APPBP2: variants seen among roughly 807,000 people sequenced by gnomAD.
The protein encoded by APPBP2 is amyloid protein-binding protein 2.
In APPBP2, 15 loss-of-function variants were observed where a neutral mutation model predicts 76.0. That is an observed-to-expected ratio of 0.20 (90% CI 0.13 to 0.30). APPBP2 has a LOEUF of 0.30. Among genes scored for constraint, APPBP2 ranks in the 10% least tolerant of loss-of-function variants. APPBP2 has a pLI of 1.00. For synonymous variants in APPBP2, 222 were observed against 242.2 expected (o/e 0.92, Z 0.77); for missense variants, 401 against 687.2 (o/e 0.58, Z 4.66).
intron 1 of APPBP2, among the ~76,000 whole-genome samples, chr17:60,520,236 ATTTTG>A (rs1411509823): frequency 2.6e-5 from 4 of 152,052 alleles, no homozygotes. Context: ...ATTTATTTTT[ATTTTG>A]TTTTTTCTTT....
intron 1 of APPBP2, among the ~76,000 whole-genome samples, chr17:60,506,503 G>C (rs2090869261): frequency 6.6e-6 from 1 of 152,122 alleles, no homozygotes; most frequent in East Asian, 1.9e-4. Context: ...TCCTCACAGA[G>C]CTCTTCCCCT....
intron 3 of APPBP2, among the ~76,000 whole-genome samples, chr17:60,486,148 TGTG>T (rs368480402): frequency 1.3e-5 from 2 of 152,322 alleles, no homozygotes; most frequent in Non-Finnish European, 2.9e-5. Flanking sequence ...ATAAGTACGA[TGTG>T]GTGCTGAGAA....
At position 60,445,402 on chromosome 17, in the gene APPBP2, C is replaced by T. The variant is rs1006847024; in HGVS notation, c.*2179G>A. The T allele has an allele frequency of 1.3e-4, 20 of 152,392 alleles. No homozygotes were observed. The highest frequency in any genetic ancestry group is 1.1e-3 in the Admixed American group (17 of 15,232). 9.4% of individuals were successfully genotyped at this position (152,392 alleles called of 1,614,324 possible). Reference sequence around the variant, plus strand: ...CTGTAAGTCATTTGTTTATTTTTATCCTAGGAAATGCTGTATGTGCACAAA... The same window carrying T: ...CTGTAAGTCATTTGTTTATTTTTATTCTAGGAAATGCTGTATGTGCACAAA... On this transcript the variant is annotated 3_prime_UTR_variant, in exon 13 of 13. Coordinates refer to ENST00000083182, the MANE Select transcript of APPBP2 (RefSeq NM_006380.5).
intron 1 of APPBP2, among the ~76,000 whole-genome samples, chr17:60,512,216 C>T (rs1215362213): frequency 6.6e-6 from 1 of 151,894 alleles, no homozygotes; most frequent in Non-Finnish European, 1.5e-5. Context: ...CATTCTCCTG[C>T]CTCAGCCTCC....
chr17:60,525,766 G>A (rs1201185226), intron 1 of APPBP2, 28 bp downstream of exon 1: 2 of 1,613,196 alleles, frequency 1.2e-6, no homozygotes, highest in Non-Finnish European at 1.7e-6. Context: ...TGCTGGAGGA[G>A]AGCAGAGAGG....
intron 9 of APPBP2, chr17:60,460,384 T>C (rs1042859125): frequency 5.4e-6 from 1 of 184,316 alleles, no homozygotes; most frequent in African/African-American, 2.4e-5. Context: ...ATTTTTTGAG[T>C]AGACAGGGTC....
chr17:60,472,075 A>G (rs1410808203), intron 4 of APPBP2, among the ~76,000 whole-genome samples: 2 of 152,200 alleles, frequency 1.3e-5, no homozygotes, highest in Non-Finnish European at 2.9e-5. Flanking sequence ...GCAGTGAGCC[A>G]AGATGGTGCC....
At chr17:60,504,607 ATTC>A (rs2090851736) in intron 1 of APPBP2, among the ~76,000 whole-genome samples, 1 of 152,188 alleles carries the variant, frequency 6.6e-6, no homozygotes, top group African/African-American at 2.4e-5. Flanking sequence ...ATCACATAAA[ATTC>A]AAGATCAGCC....
At chr17:60,522,104 G>A (rs114036364) in intron 1 of APPBP2, among the ~76,000 whole-genome samples, 2,363 of 152,102 alleles carry the variant, frequency 0.016, 63 homozygotes, top group African/African-American at 0.053. Flanking sequence ...ACATATCCCC[G>A]TCATTAAGCA....
intron 2 of APPBP2, among the ~76,000 whole-genome samples, chr17:60,497,286 C>T (rs2090783868): frequency 6.6e-6 from 1 of 151,870 alleles, no homozygotes; most frequent in South Asian, 2.1e-4. Flanking sequence ...TTTGTGGGAG[C>T]TAAAAATTAA....
intron 1 of APPBP2, among the ~76,000 whole-genome samples, chr17:60,508,059 G>A (rs1598372362): frequency 1.3e-5 from 2 of 150,374 alleles, no homozygotes; most frequent in East Asian, 2.0e-4. Flanking sequence ...TGCAGCCTCC[G>A]CTTCCTGGGC....
rs528036284 is a variant in APPBP2, at chr17:60,503,907, G to A, written c.139-3420C>T. On this transcript the variant is annotated intron_variant, in intron 1 of 12. Coordinates refer to ENST00000083182, the MANE Select transcript of APPBP2 (RefSeq NM_006380.5). ...AGCAGGAATCTTACCCAGGCAGTCT[G>A]TCCCTACATCCATGTTCTTAACAAC... Among the ~76,000 whole-genome samples, 33 of 130,548 alleles carry A rather than the reference G, an allele frequency of 2.5e-4. 7 individuals are homozygous for A. Among genetic ancestry groups the A allele is most frequent in the African/African-American group, 1.5e-3 (32 of 21,296 alleles). The allele number at this position is 130,548 out of a possible 152,430, so 85.6% of individuals were successfully genotyped here.
chr17:60,445,400 A>G lies in APPBP2; in HGVS notation c.*2181T>C, dbSNP rs115798922. 0.016 allele frequency: 2,368 copies of G among 152,630 alleles called. 60 individuals are homozygous for G. The highest frequency in any genetic ancestry group is 0.053 in the African/African-American group (2,186 of 41,504). 9.5% of individuals were successfully genotyped at this position (152,630 alleles called of 1,614,324 possible). ...GGCTGTAAGTCATTTGTTTATTTTT[A>G]TCCTAGGAAATGCTGTATGTGCACA... On this transcript the variant is annotated 3_prime_UTR_variant, in exon 13 of 13. Coordinates refer to ENST00000083182, the MANE Select transcript of APPBP2 (RefSeq NM_006380.5).
rs2090824715 is a variant in APPBP2 at position 60,501,661 on chromosome 17, C to T, written c.139-1174G>A. Among the ~76,000 whole-genome samples, 2 of 152,056 alleles carry T rather than the reference C, an allele frequency of 1.3e-5. 1 individual carries two copies. The highest frequency in any genetic ancestry group is 4.1e-4 in the South Asian group (2 of 4,828). ...CCAAATGCTTCTAAATTTACACATG[C>T]TATATAAATAATACAGTGCCTTAGA... On this transcript the variant is annotated intron_variant, in intron 1 of 12. Coordinates refer to ENST00000083182, the MANE Select transcript of APPBP2 (RefSeq NM_006380.5).
intron 9 of APPBP2, chr17:60,459,489 CTTTTT>C (rs35042120): frequency 3.4e-5 from 4 of 116,132 alleles, no homozygotes; most frequent in Non-Finnish European, 5.1e-5. Flanking sequence ...GTTGTAGTCC[CTTTTT>C]TTTTTTTTTT....
intron 3 of APPBP2, among the ~76,000 whole-genome samples, chr17:60,490,595 A>G (rs2090720048): frequency 6.6e-6 from 1 of 152,114 alleles, no homozygotes; most frequent in Non-Finnish European, 1.5e-5. Flanking sequence ...CTTGAGCCCA[A>G]GTTTGAAGTT....
intron 3 of APPBP2, among the ~76,000 whole-genome samples, chr17:60,487,760 T>C (rs936649208): frequency 6.6e-6 from 1 of 152,254 alleles, no homozygotes; most frequent in Non-Finnish European, 1.5e-5. Flanking sequence ...TGCAATCCCT[T>C]GGAGGAGAAA....
At chr17:60,523,083 T>C (rs969466089) in intron 1 of APPBP2, among the ~76,000 whole-genome samples, 17 of 152,038 alleles carry the variant, frequency 1.1e-4, no homozygotes, top group Admixed American at 7.9e-4. Context: ...GGAAATTTGA[T>C]TCCACAAATA....
chr17:60,522,685 T>C (rs889695765), intron 1 of APPBP2, among the ~76,000 whole-genome samples: 28 of 152,080 alleles, frequency 1.8e-4, no homozygotes, highest in African/African-American at 6.0e-4. Context: ...ATAAGGATAA[T>C]ACCTTAATTT....
Sources: allele counts gnomAD v4.1 joint callset (sites outside exome capture counted in the v4.1 genomes callset), GRCh38; gene constraint gnomAD v4.1.1; transcripts MANE v1.5; gene names NCBI Gene and HGNC (gene_info 2026-07-23, HGNC 2026-07-21).